Variants in PRKG1 observed in about 807,000 individuals in gnomAD.
PRKG1 encodes the protein protein kinase cGMP-dependent 1.
In PRKG1, 35 loss-of-function variants were observed where a neutral mutation model predicts 88.1. That is an observed-to-expected ratio of 0.40 (90% CI 0.30 to 0.53). PRKG1 has a LOEUF of 0.53. Among genes scored for constraint, PRKG1 ranks in the 20% least tolerant of loss-of-function variants. PRKG1 has a pLI of 0.59. For synonymous variants in PRKG1, 303 were observed against 292.5 expected (o/e 1.04, Z -0.37); for missense variants, 540 against 839.8 (o/e 0.64, Z 4.41).
chr10:51,768,194 C>T (rs114381045), intron 3 of PRKG1, among the ~76,000 whole-genome samples: 25 of 152,082 alleles, frequency 1.6e-4, no homozygotes, highest in African/African-American at 3.6e-4. Flanking sequence ...CCAACATACA[C>T]GCATGGCATT....
At chr10:51,763,433 A>AT (rs112536289) in intron 3 of PRKG1, among the ~76,000 whole-genome samples, 1 of 151,774 alleles carries the variant, frequency 6.6e-6, no homozygotes, top group Non-Finnish European at 1.5e-5. Context: ...TTTAAAAAAA[A>AT]TTTTTATAGA....
chr10:51,553,128 A>G (rs149319304), intron 3 of PRKG1, among the ~76,000 whole-genome samples: 49 of 151,810 alleles, frequency 3.2e-4, no homozygotes, highest in African/African-American at 9.6e-4. Context: ...TTTAAAGTTG[A>G]TAATTTTGTT....
intron 1 of PRKG1, among the ~76,000 whole-genome samples, chr10:51,136,158 T>C (rs999668023): frequency 6.6e-6 from 1 of 151,368 alleles, no homozygotes. Context: ...TCTTGGTGAG[T>C]GGATATGGGG....
chr10:51,613,096 A>G, intron 3 of PRKG1, among the ~76,000 whole-genome samples: 1 of 151,656 alleles, frequency 6.6e-6, no homozygotes, highest in Non-Finnish European at 1.5e-5. Flanking sequence ...GAGGATTGAT[A>G]TTAGTACTTC....
chr10:51,204,005 GGAAA>G (rs1396675545), intron 2 of PRKG1, among the ~76,000 whole-genome samples: 1 of 152,116 alleles, frequency 6.6e-6, no homozygotes, highest in Non-Finnish European at 1.5e-5. Context: ...ATAAGAAATA[GGAAA>G]GAAAAGATTT....
At chr10:51,420,954 A>G (rs986727255) in intron 2 of PRKG1, among the ~76,000 whole-genome samples, 1 of 152,192 alleles carries the variant, frequency 6.6e-6, no homozygotes, top group South Asian at 2.1e-4. Context: ...ACTCACTATC[A>G]CATAGACAGC....
In PRKG1 at chr10:51,022,037, A is replaced by T. The variant is rs959966259; in HGVS notation, c.266+30393A>T. Among the ~76,000 whole-genome samples, 5 of 152,234 alleles carry T rather than the reference A, an allele frequency of 3.3e-5. No individual in the cohort carries two copies. In the East Asian group the frequency reaches 7.7e-4, roughly 23 times the overall value. On this transcript the variant is annotated intron_variant, in intron 1 of 17. Coordinates refer to the PRKG1 transcript ENST00000401604. ...ATTCGACAAACTCAAATGTGCAAGC[A>T]ACACATCTCTTTATTTTTATAAAAT...
intron 10 of PRKG1, among the ~76,000 whole-genome samples, chr10:52,260,337 T>A (rs376702771): frequency 3.5e-4 from 53 of 152,204 alleles, no homozygotes; most frequent in African/African-American, 1.2e-3. Flanking sequence ...TGTAACAGTT[T>A]AAAAAATTAT....
chr10:51,948,236 G>T (rs1843100417), intron 5 of PRKG1, among the ~76,000 whole-genome samples: 2 of 152,044 alleles, frequency 1.3e-5, no homozygotes, highest in Non-Finnish European at 2.9e-5. Context: ...GCCATACATA[G>T]AACAATTTCT....
rs538051699 is a variant in PRKG1, at chr10:51,421,898, C to A, written c.479-45825C>A. 5.9e-5 allele frequency among the ~76,000 whole-genome samples: 9 copies of A among 152,346 alleles called. No homozygotes were observed. In the South Asian group the frequency reaches 1.9e-3, roughly 32 times the overall value. The stretch of plus-strand genomic sequence containing the variant: ...TGCTATATTGATACTGAACAAGTCA[C>A]TTAACCTCTCTGAATCTTAGTTTTC... On this transcript the variant is annotated intron_variant, in intron 2 of 17. Transcript: ENST00000373980.
At chr10:51,858,658 C>T (rs147918425) in intron 4 of PRKG1, among the ~76,000 whole-genome samples, 74 of 150,894 alleles carry the variant, frequency 4.9e-4, no homozygotes, top group South Asian at 1.3e-3. Context: ...TGTACCTGTG[C>T]GTTTATTAGC....
intron 3 of PRKG1, among the ~76,000 whole-genome samples, chr10:51,760,472 G>GTT (rs761249668): frequency 6.6e-4 from 73 of 110,050 alleles, no homozygotes; most frequent in Middle Eastern, 0.011. Flanking sequence ...TTGACTTTTC[G>GTT]TTTTTTTTTT....
At chr10:51,697,693 A>T (rs1841336001) in intron 3 of PRKG1, 1 of 1,613,374 alleles carries the variant, frequency 6.2e-7, no homozygotes, top group Non-Finnish European at 8.5e-7. Context: ...TATTTTCTAA[A>T]ACCTTTCAAG....
chr10:52,072,158 C>CTTTTTTTTTTTTTTTTTTTTT (rs60576406), intron 7 of PRKG1, among the ~76,000 whole-genome samples: 24 of 39,570 alleles, frequency 6.1e-4, no homozygotes, highest in Non-Finnish European at 6.9e-4. Flanking sequence ...TATTGTTTTG[C>CTTTTTTTTTTTTTTTTTTTTT]TTTTTTTTTT....
At chr10:51,847,141 G>A (rs796584272) in intron 4 of PRKG1, among the ~76,000 whole-genome samples, 50 of 152,224 alleles carry the variant, frequency 3.3e-4, no homozygotes, top group Non-Finnish European at 5.0e-4. Context: ...TTAAAATGAA[G>A]GCAGGTGCTG....
At chr10:52,027,856 T>G (rs1178687862) in intron 5 of PRKG1, among the ~76,000 whole-genome samples, 1 of 152,176 alleles carries the variant, frequency 6.6e-6, no homozygotes. Flanking sequence ...TGGTGCAATC[T>G]TGGCTCATTT....
At chr10:51,635,501 G>A (rs1406393363) in intron 3 of PRKG1, among the ~76,000 whole-genome samples, 5 of 151,924 alleles carry the variant, frequency 3.3e-5, no homozygotes, top group Admixed American at 2.0e-4. Context: ...CAAAATGCCC[G>A]TGGCCAAAAC....
intron 9 of PRKG1, among the ~76,000 whole-genome samples, chr10:52,247,932 C>A (rs749772508): frequency 2.0e-5 from 3 of 152,122 alleles, no homozygotes; most frequent in Non-Finnish European, 4.4e-5. Flanking sequence ...CAGAGATTTA[C>A]CCACATATTT....
chr10:51,461,737 TCTTATAGTGG>T (rs1207202450), intron 2 of PRKG1, among the ~76,000 whole-genome samples: 1 of 152,194 alleles, frequency 6.6e-6, no homozygotes, highest in Admixed American at 6.5e-5. Flanking sequence ...TCCTTTTCCT[TCTTATAGTGG>T]CTTAAGAAAG....
Sources: gnomAD v4.1 joint callset for allele counts (sites outside exome capture counted in the v4.1 genomes callset) on GRCh38, gnomAD v4.1.1 for gene constraint, MANE v1.5 for transcripts, NCBI Gene and HGNC (gene_info 2026-07-23, HGNC 2026-07-21) for gene names.